ADAMTS18: variants seen among roughly 807,000 people sequenced by gnomAD.
The protein encoded by ADAMTS18 is A disintegrin and metalloproteinase with thrombospondin motifs 18.
A neutral mutation model predicts 165.9 loss-of-function variants in ADAMTS18; 157 were observed. That is an observed-to-expected ratio of 0.95 (90% CI 0.83 to 1.08). The LOEUF (loss-of-function observed/expected upper bound fraction) is 1.08. ADAMTS18 is among the 50% of genes least tolerant of loss of function. The pLI is 0.00. For missense variants in ADAMTS18, 2,040 were observed against 1,534.0 expected (o/e 1.33, Z -5.51); for synonymous variants, 782 against 578.2 (o/e 1.35, Z -5.06).
intron 3 of ADAMTS18, among the ~76,000 whole-genome samples, chr16:77,405,597 G>C (rs747542587): frequency 7.9e-5 from 12 of 152,176 alleles, no homozygotes; most frequent in Non-Finnish European, 1.6e-4. Context: ...TTAACCTCTT[G>C]TATTGTCTGC....
chr16:77,319,680 T>C (rs2055953229), intron 16 of ADAMTS18, among the ~76,000 whole-genome samples, 169 bp downstream of exon 16: 1 of 152,094 alleles, frequency 6.6e-6, no homozygotes, highest in Non-Finnish European at 1.5e-5. Flanking sequence ...TGCCCTCAGC[T>C]GATCCGCCCA....
At chr16:77,429,132 A>C (rs1430024050) in intron 3 of ADAMTS18, among the ~76,000 whole-genome samples, 6 of 152,228 alleles carry the variant, frequency 3.9e-5, no homozygotes, top group Non-Finnish European at 8.8e-5. Flanking sequence ...AGACACATGC[A>C]TGTGAATGTT....
At chr16:77,427,279 A>G (rs1307697818) in intron 3 of ADAMTS18, among the ~76,000 whole-genome samples, 1 of 152,198 alleles carries the variant, frequency 6.6e-6, no homozygotes, top group Admixed American at 6.5e-5. Flanking sequence ...AAGACAGATG[A>G]TTTTTGAGCA....
Position 77,364,397 on chromosome 16 carries a change from G to A in ADAMTS18, c.779-16C>T. The A allele has an allele frequency of 2.5e-6, 4 of 1,612,826 alleles. No homozygotes were observed. Among genetic ancestry groups the A allele is most frequent in the Non-Finnish European group, 3.4e-6 (4 of 1,179,446 alleles). On this transcript the variant is annotated splice_polypyrimidine_tract_variant and intron_variant, in intron 4 of 22. Transcript: ENST00000282849. Reference sequence around the variant, plus strand: ...TTGGGAGCATCTACGATGAACAGAAGAGCATTTGGAAGGGATATTAGAGAA... The same window carrying A: ...TTGGGAGCATCTACGATGAACAGAAAAGCATTTGGAAGGGATATTAGAGAA...
At chr16:77,306,271 T>A (rs2055679858) in intron 16 of ADAMTS18, among the ~76,000 whole-genome samples, 2 of 152,276 alleles carry the variant, frequency 1.3e-5, no homozygotes, top group Non-Finnish European at 2.9e-5. Flanking sequence ...ACAAACCACC[T>A]GACTTCAGAC....
chr16:77,316,930 G>A (rs576293798), intron 16 of ADAMTS18, among the ~76,000 whole-genome samples: 1 of 151,962 alleles, frequency 6.6e-6, no homozygotes, highest in East Asian at 1.9e-4. Context: ...GCATCCCAAA[G>A]TGCTGGGATT....
chr16:77,398,869 G>C (rs1196034426), intron 3 of ADAMTS18, among the ~76,000 whole-genome samples: 1 of 152,184 alleles, frequency 6.6e-6, no homozygotes, highest in Non-Finnish European at 1.5e-5. Flanking sequence ...AGAGAGAGAA[G>C]ACTGAAAATA....
At chr16:77,369,598 T>A (rs1025466275) in intron 3 of ADAMTS18, among the ~76,000 whole-genome samples, 17 of 152,212 alleles carry the variant, frequency 1.1e-4, no homozygotes, top group African/African-American at 4.1e-4. Context: ...ATTTAATCTG[T>A]AATAAAAAGT....
rs1318309936 is a variant in ADAMTS18 at position 77,363,858 on chromosome 16, T to A, written c.1000A>T (p.Ile334Phe). 6.2e-7 allele frequency: 1 copy of A among 1,613,994 alleles called. No homozygotes were observed. The change falls in exon 6 of 23, where the codon ATT becomes TTT. Residue 334 changes from isoleucine (I) to phenylalanine (F), a missense_variant. Coordinates refer to ENST00000282849, the MANE Select transcript of ADAMTS18 (RefSeq NM_199355.4). ...ACAACCACGTTTATGTCACTTCCAA[T>A]AGTCCCATCTTTAAATAGGCCAGAA... Reference protein sequence around the residue: ...MVSGLFKDGTIGSDINVVVVS... With the variant: ...MVSGLFKDGTFGSDINVVVVS...
chr16:77,284,608 G>T (rs1462476833), intron 22 of ADAMTS18, among the ~76,000 whole-genome samples: 1 of 152,088 alleles, frequency 6.6e-6, no homozygotes, highest in Non-Finnish European at 1.5e-5. Flanking sequence ...GCCAAGAAAA[G>T]ACTCTGACCA....
chr16:77,352,114 G>A (rs903904157), intron 10 of ADAMTS18, among the ~76,000 whole-genome samples: 1 of 152,156 alleles, frequency 6.6e-6, no homozygotes, highest in Non-Finnish European at 1.5e-5. Context: ...CCAAAAAAAT[G>A]TGAATGACAT....
intron 3 of ADAMTS18, among the ~76,000 whole-genome samples, chr16:77,403,408 C>T (rs975219999): frequency 6.6e-6 from 1 of 152,124 alleles, no homozygotes; most frequent in Non-Finnish European, 1.5e-5. Context: ...AGTGGCAGAG[C>T]CAGTATTTGA....
chr16:77,313,097 T>C (rs974745822), intron 16 of ADAMTS18, among the ~76,000 whole-genome samples: 1 of 112,884 alleles, frequency 8.9e-6, no homozygotes, highest in East Asian at 2.7e-4. Context: ...ATATGCACCA[T>C]GGAATACTAT....
chr16:77,432,844 T>C (rs2057754832), intron 2 of ADAMTS18, among the ~76,000 whole-genome samples: 1 of 151,906 alleles, frequency 6.6e-6, no homozygotes, highest in Non-Finnish European at 1.5e-5. Context: ...CTAATTAGGC[T>C]CACATTAAAA....
chr16:77,301,250 C>G (rs780920000), intron 16 of ADAMTS18, among the ~76,000 whole-genome samples: 1 of 150,436 alleles, frequency 6.6e-6, no homozygotes, highest in African/African-American at 2.5e-5. Flanking sequence ...TCTAACAACT[C>G]TATAATGTAG....
At chr16:77,339,660 T>TA (rs1379220746) in intron 11 of ADAMTS18, among the ~76,000 whole-genome samples, 2 of 151,798 alleles carry the variant, frequency 1.3e-5, no homozygotes, top group Non-Finnish European at 2.9e-5. Context: ...GCCTCAAAAG[T>TA]AAAAAGGACT....
intron 15 of ADAMTS18, among the ~76,000 whole-genome samples, chr16:77,320,344 T>A (rs1361924137): frequency 6.6e-6 from 1 of 152,012 alleles, no homozygotes; most frequent in African/African-American, 2.4e-5. Flanking sequence ...AATACACTCT[T>A]CTCCTTCCCA....
Position 77,283,593 on chromosome 16 carries a change from C to A in ADAMTS18, c.*363G>T. The A allele has an allele frequency of 4.1e-6, 1 of 241,432 alleles. No homozygotes were observed. Among genetic ancestry groups the A allele is most frequent in the Non-Finnish European group, 8.2e-6 (1 of 121,312 alleles). The allele number at this position is 241,432 out of a possible 1,614,324, so 15.0% of individuals were successfully genotyped here. On this transcript the variant is annotated 3_prime_UTR_variant, in exon 23 of 23. Coordinates refer to ENST00000282849, the MANE Select transcript of ADAMTS18 (RefSeq NM_199355.4). ...TCTTTGACCTGAAGTCATAAAGGAC[C>A]TTTTTAAAACAGATGTCTTTGCCCT...
intron 9 of ADAMTS18, among the ~76,000 whole-genome samples, chr16:77,354,600 G>T (rs12599131): frequency 0.086 from 13,003 of 151,550 alleles, 729 homozygotes; most frequent in East Asian, 0.21. Flanking sequence ...GTGTAATTTT[G>T]TAGTGAGACA....
Sources: gnomAD v4.1 joint callset for allele counts (sites outside exome capture counted in the v4.1 genomes callset) on GRCh38, gnomAD v4.1.1 for gene constraint, MANE v1.5 for transcripts, NCBI Gene and HGNC (gene_info 2026-07-23, HGNC 2026-07-21) for gene names.